Variants in IRF1 observed in about 807,000 individuals in gnomAD.
IRF1 encodes the protein interferon regulatory factor 1.
In IRF1, 13 loss-of-function variants were observed where a neutral mutation model predicts 43.7. The observed-to-expected ratio is 0.30, with a 90% CI of 0.19 to 0.47. IRF1 has a LOEUF of 0.47. Ranked by LOEUF, IRF1 falls within the 20% of genes least tolerant of loss-of-function variation. IRF1 has a pLI of 0.99. For synonymous variants in IRF1, 138 were observed against 146.8 expected, an observed-to-expected ratio of 0.94 and a Z score of 0.43; for missense variants, 236 against 408.9, an observed-to-expected ratio of 0.58 and a Z score of 3.65.
At chr5:132,484,167 G>C (rs930711657) in intron 9 of IRF1, 92 bp from the exon 10 acceptor site, 1 of 1,508,978 alleles carries the variant, frequency 6.6e-7, no homozygotes, top group African/African-American at 1.4e-5. Flanking sequence ...CATGGCCTCT[G>C]CTCTTCCCAG....
intron 8 of IRF1, 125 bp downstream of exon 8, chr5:132,485,542 G>A (rs905991442): frequency 2.4e-6 from 2 of 817,370 alleles, no homozygotes; most frequent in Non-Finnish European, 2.2e-6. Flanking sequence ...TGGCACTTGT[G>A]GGACAATGCA....
At chr5:132,486,051 C>T (rs1754517234) in intron 7 of IRF1, 200 bp downstream of exon 7, 1 of 693,174 alleles carries the variant, frequency 1.4e-6, no homozygotes, top group South Asian at 1.8e-5. Flanking sequence ...TCTCACCAGC[C>T]CCCACTGTAC....
chr5:132,487,185 C>A (rs1754556202), intron 3 of IRF1, 55 bp from the exon 4 acceptor site: 7 of 1,574,262 alleles, frequency 4.4e-6, no homozygotes, highest in Non-Finnish European at 6.1e-6. Flanking sequence ...GGATCCTCAG[C>A]TGCCCCTGGC....
chr5:132,484,764 A>T, intron 8 of IRF1: 1 of 469,114 alleles, frequency 2.1e-6, no homozygotes, highest in South Asian at 3.2e-5. Context: ...CTTCCCTCTC[A>T]ACTGTGTAAG....
chr5:132,486,730 T>C, intron 5 of IRF1, 44 bp from the exon 6 acceptor site: 1 of 1,614,168 alleles, frequency 6.2e-7, no homozygotes, highest in Non-Finnish European at 8.5e-7. Flanking sequence ...CACCTTAGCA[T>C]TTCTTCCACT....
chr5:132,487,075 A>C lies in IRF1; in HGVS notation c.243T>G (p.Phe81Leu). ...EPDPKTWKAN[F>L]RCAMNSLPDI... ...CTGGCAGGGAGTTCATGGCACAGCGAAAGTTGGCCTTCCACGTCTTGGGAT... is the reference window on the plus strand; with the variant it reads ...CTGGCAGGGAGTTCATGGCACAGCGCAAGTTGGCCTTCCACGTCTTGGGAT... Residue 81 changes from phenylalanine (F) to leucine (L), a missense_variant, in exon 4 of 10, where the codon TTT becomes TTG. This residue lies in a region of IRF1 where 66 missense variants were observed against 157.1 expected (regional missense o/e 0.42). Transcript: ENST00000245414. 6.2e-7 allele frequency: 1 copy of C among 1,614,184 alleles called. No homozygotes were observed. The highest frequency in any genetic ancestry group is 8.5e-7 in the Non-Finnish European group (1 of 1,180,028).
chr5:132,485,485 C>T, intron 8 of IRF1, 182 bp downstream of exon 8: 1 of 671,150 alleles, frequency 1.5e-6, no homozygotes, highest in Admixed American at 2.1e-5. Flanking sequence ...CTCCCACCTG[C>T]CTTCCCTTCC....
At chr5:132,486,485 G>C (rs993997639) in intron 6 of IRF1, 72 bp downstream of exon 6, 1 of 1,611,904 alleles carries the variant, frequency 6.2e-7, no homozygotes, top group South Asian at 1.1e-5. Flanking sequence ...CCATGTGCCA[G>C]CACCATGCCT....
At chr5:132,484,700 C>T in intron 8 of IRF1, 2 of 594,300 alleles carry the variant, frequency 3.4e-6, no homozygotes, top group East Asian at 5.6e-5. Flanking sequence ...CACTGGTCCT[C>T]AATTCATTTT....
chr5:132,483,729 C>A lies in IRF1; in HGVS notation c.*222G>T, dbSNP rs1007143644. On this transcript the variant is annotated 3_prime_UTR_variant, in exon 10 of 10. Transcript: ENST00000245414. ...TACACTGGTCTCAGAACCTCATCTT[C>A]CCAGGAGGCAGGGCCAGCTTTACAC... 2 of 529,972 alleles carry A rather than the reference C, an allele frequency of 3.8e-6. No homozygotes were observed. Among genetic ancestry groups the A allele is most frequent in the African/African-American group, 3.8e-5 (2 of 52,362 alleles). 32.8% of individuals were successfully genotyped at this position (529,972 alleles called of 1,614,324 possible).
intron 1 of IRF1, 59 bp from the exon 2 acceptor site, chr5:132,489,542 A>C (rs1580941969): frequency 7.4e-7 from 1 of 1,356,878 alleles, no homozygotes; most frequent in Non-Finnish European, 1.1e-6. Context: ...CTGGGCAGTG[A>C]CCTGCCCCAC....
intron 9 of IRF1, 138 bp downstream of exon 9, chr5:132,484,224 G>T: frequency 7.0e-7 from 1 of 1,432,674 alleles, no homozygotes; most frequent in Non-Finnish European, 9.6e-7. Flanking sequence ...TTAAGGCATG[G>T]CAGCCGTAGC....
At chr5:132,487,517 G>C (rs1425127413) in intron 3 of IRF1, 1 of 346,934 alleles carries the variant, frequency 2.9e-6, no homozygotes, top group Non-Finnish European at 5.4e-6. Context: ...TGACTGTTCT[G>C]AGATGGGCCT....
In IRF1 at chr5:132,484,491, C is replaced by T. The variant is rs1280965032; in HGVS notation, c.724G>A (p.Glu242Lys). The T allele has an allele frequency of 6.2e-7, 1 of 1,614,176 alleles. No homozygotes were observed. The highest frequency in any genetic ancestry group is 2.2e-5 in the East Asian group (1 of 44,892). Residue 242 changes from glutamate to lysine, a missense_variant, in exon 9 of 10, where the codon GAG (glutamate) becomes AAG (lysine). Glu to Lys is a moderately conservative substitution (Grantham distance 56). This residue lies in a region of IRF1 where 170 missense variants were observed against 251.8 expected (regional missense o/e 0.68). Coordinates refer to ENST00000245414, the MANE Select transcript of IRF1 (RefSeq NM_002198.3). Reference protein sequence around the residue: ...KLPEDIMKLLEQSEWQPTNVD... With the variant: ...KLPEDIMKLLKQSEWQPTNVD... ...TTTGTTGGCTGCCACTCCGACTGCT[C>T]CAAGAGCTGGGGACAGAAGAGCAAG... is the stretch of plus-strand genomic sequence containing the variant.
Position 132,489,326 on chromosome 5 carries a change from G to A in IRF1, c.87+66C>T, listed in dbSNP as rs531897047. On this transcript the variant is annotated intron_variant, in intron 2 of 9. Transcript: ENST00000245414. ...CTTCCCTTTTTGAGCTGCATCTGAA[G>A]CTTTGGTCCCTCCAGAAGTACATGG... The A allele has an allele frequency of 1.1e-5, 13 of 1,217,338 alleles. No homozygotes were observed. In the African/African-American group the frequency reaches 1.8e-4, roughly 17 times the overall value. 75.4% of individuals were successfully genotyped at this position (1,217,338 alleles called of 1,614,324 possible).
chr5:132,486,782 G>T lies in IRF1; in HGVS notation c.414+13C>A. 6.2e-7 allele frequency: 1 copy of T among 1,614,202 alleles called. No individual in the cohort carries two copies. The highest frequency in any genetic ancestry group is 8.5e-7 in the Non-Finnish European group (1 of 1,180,032). On this transcript the variant is annotated intron_variant, in intron 5 of 9. Transcript: ENST00000245414. ...AGGTGACCAAAGGCCTGGCTGCTTA[G>T]GACCACACTCACCTTCCTCTTGGCC... is the stretch of plus-strand genomic sequence containing the variant.
intron 3 of IRF1, 21 bp from the exon 4 acceptor site, chr5:132,487,151 G>A (rs1314621475): frequency 6.2e-7 from 1 of 1,611,262 alleles, no homozygotes; most frequent in East Asian, 2.2e-5. Context: ...GGAGAAAAAA[G>A]AGGATCGTCA....
intron 3 of IRF1, chr5:132,487,606 A>G: frequency 2.4e-6 from 1 of 409,860 alleles, no homozygotes; most frequent in Non-Finnish European, 4.5e-6. Context: ...ACACGAAGAA[A>G]AAGGCAGACC....
chr5:132,487,807 G>C (rs1754576165), intron 3 of IRF1, 119 bp downstream of exon 3: 1 of 662,086 alleles, frequency 1.5e-6, no homozygotes, highest in Non-Finnish European at 2.7e-6. Flanking sequence ...CCTCTTCCCA[G>C]TAATTCTGCA....
Sources: allele counts gnomAD v4.1 joint callset, GRCh38; gene constraint gnomAD v4.1.1; regional missense constraint gnomAD v4.1.1; transcripts MANE v1.5; gene names NCBI Gene and HGNC (gene_info 2026-07-23, HGNC 2026-07-21).